Variants in POLG2 observed in about 807,000 individuals in gnomAD.
The protein encoded by POLG2 is DNA polymerase gamma 2, accessory subunit, also known as DNA polymerase subunit gamma-2.
Under a neutral mutation model 56.5 loss-of-function variants are expected in POLG2, and 50 were observed. That is an observed-to-expected ratio of 0.88 (90% CI 0.71 to 1.12). The LOEUF (loss-of-function observed/expected upper bound fraction) is 1.12. Among genes scored for constraint, POLG2 ranks in the 50% most tolerant of loss-of-function variants. The pLI is 0.00. For missense variants in POLG2, 584 were observed against 583.3 expected (o/e 1.00, Z -0.01); for synonymous variants, 226 against 222.6 (o/e 1.02, Z -0.14).
chr17:64,489,028 CTTTTTT>C (rs562036918), intron 4 of POLG2, among the ~76,000 whole-genome samples: 1 of 136,474 alleles, frequency 7.3e-6, no homozygotes, highest in Admixed American at 7.3e-5. Context: ...TTTTCTTTTT[CTTTTTT>C]TTTTTTTTTG....
intron 4 of POLG2, 93 bp downstream of exon 4, chr17:64,490,686 TACACAATGAAGTGTTAA>T: frequency 1.2e-6 from 1 of 812,488 alleles, no homozygotes; most frequent in East Asian, 2.6e-5. Context: ...ATCTGAAAAA[TACACAATGAAGTGTTAA>T]GACACCACGT....
At chr17:64,493,577 C>T (rs921766446) in intron 1 of POLG2, among the ~76,000 whole-genome samples, 4 of 152,082 alleles carry the variant, frequency 2.6e-5, no homozygotes, top group African/African-American at 4.8e-5. Flanking sequence ...CTCCGCCTCC[C>T]GGGTTCATGC....
chr17:64,493,578 G>A (rs1446427846), intron 1 of POLG2, among the ~76,000 whole-genome samples: 5 of 151,820 alleles, frequency 3.3e-5, no homozygotes, highest in African/African-American at 7.3e-5. Context: ...TCCGCCTCCC[G>A]GGTTCATGCC....
chr17:64,490,780 T>C lies in POLG2; in HGVS notation c.969+16A>G. The C allele has an allele frequency of 1.3e-6, 2 of 1,598,742 alleles. No homozygotes were observed. The highest frequency in any genetic ancestry group is 1.7e-6 in the Non-Finnish European group (2 of 1,166,004). On this transcript the variant is annotated intron_variant, in intron 4 of 7. Coordinates refer to ENST00000539111, the MANE Select transcript of POLG2 (RefSeq NM_007215.4). ...ATCTGGGTAAAAAATACATAGGAGCTCCAGGTAAAACATACATGTAATTTA... is the reference window on the plus strand; with the variant it reads ...ATCTGGGTAAAAAATACATAGGAGCCCCAGGTAAAACATACATGTAATTTA...
chr17:64,487,944 T>C (rs2037987547), intron 4 of POLG2, among the ~76,000 whole-genome samples: 1 of 152,240 alleles, frequency 6.6e-6, no homozygotes, highest in African/African-American at 2.4e-5. Context: ...ATATCTGATT[T>C]CTCACACTAT....
chr17:64,480,538 A>G, intron 6 of POLG2, 149 bp from the exon 7 acceptor site: 1 of 509,236 alleles, frequency 2.0e-6, no homozygotes, highest in South Asian at 2.2e-5. Context: ...TATAACTTCC[A>G]TATCATATAC....
rs1489065406 is a variant in POLG2 at position 64,486,497 on chromosome 17, G to A, written c.970-629C>T. Among the ~76,000 whole-genome samples, 9 of 152,096 alleles carry A rather than the reference G, an allele frequency of 5.9e-5. No individual in the cohort carries two copies. In the South Asian group the frequency reaches 8.3e-4, roughly 14 times the overall value. On this transcript the variant is annotated intron_variant, in intron 4 of 7. Coordinates refer to ENST00000539111, the MANE Select transcript of POLG2 (RefSeq NM_007215.4). ...TTGCCTCAGTCTCCTGAGTAGCTAGGACTACAGGCACACACCACCATGTCT... is the reference window on the plus strand; with the variant it reads ...TTGCCTCAGTCTCCTGAGTAGCTAGAACTACAGGCACACACCACCATGTCT...
intron 1 of POLG2, 78 bp downstream of exon 1, chr17:64,496,329 G>T: frequency 1.1e-6 from 1 of 906,702 alleles, no homozygotes; most frequent in Non-Finnish European, 1.7e-6. Context: ...AGGGCCAGTT[G>T]CAATCCCCAA....
intron 5 of POLG2, among the ~76,000 whole-genome samples, chr17:64,483,257 T>C (rs782375443): frequency 6.6e-6 from 1 of 152,198 alleles, no homozygotes; most frequent in Non-Finnish European, 1.5e-5. Context: ...TACATGCCTA[T>C]AATTCCAGCA....
In POLG2 at chr17:64,490,981, A is replaced by C. The variant is rs782238957; in HGVS notation, c.796-12T>G. ...GGACTCATGGCAAACTGGAAAAGAA[A>C]ATTTAAGTTTGTCTTAACATATTTA... On this transcript the variant is annotated splice_polypyrimidine_tract_variant and intron_variant, in intron 3 of 7. Transcript: ENST00000539111. 1 of 1,606,000 alleles carries C rather than the reference A, an allele frequency of 6.2e-7. No individual in the cohort carries two copies. The highest frequency in any genetic ancestry group is 8.5e-7 in the Non-Finnish European group (1 of 1,172,596).
At chr17:64,483,696 GA>G (rs2037903305) in intron 5 of POLG2, among the ~76,000 whole-genome samples, 1 of 149,574 alleles carries the variant, frequency 6.7e-6, no homozygotes, top group Admixed American at 6.7e-5. Context: ...TTTTTTGAAT[GA>G]AAAAAATTTT....
Position 64,480,327 on chromosome 17 carries a change from C to A in POLG2, c.1254G>T (p.Leu418Phe). 6.3e-7 allele frequency: 1 copy of A among 1,598,820 alleles called. No individual in the cohort carries two copies. The highest frequency in any genetic ancestry group is 1.1e-5 in the South Asian group (1 of 90,704). Reference sequence around the variant, plus strand: ...GTTCCAATGAGGACTGCATAGTTTCCAAATAACCAGGCCACACAGAAATCC... The same window carrying A: ...GTTCCAATGAGGACTGCATAGTTTCAAAATAACCAGGCCACACAGAAATCC... ...ENGISVWPGY[L>F]ETMQSSLEQL... Residue 418 changes from leucine to phenylalanine, a missense_variant, in exon 7 of 8, where the codon TTG becomes TTT. Coordinates refer to ENST00000539111, the MANE Select transcript of POLG2 (RefSeq NM_007215.4).
intron 4 of POLG2, among the ~76,000 whole-genome samples, chr17:64,489,014 T>C (rs936817694): frequency 5.3e-5 from 8 of 151,516 alleles, no homozygotes; most frequent in African/African-American, 1.9e-4. Context: ...TTTTGCTATA[T>C]ATTTTTTCTT....
At position 64,496,838 on chromosome 17, in the gene POLG2, A is replaced by G; in HGVS notation, c.131T>C (p.Val44Ala). ...TERSSPKGGH[V>A]KSHAELEGNG... is the part of the protein sequence containing the mutation. The stretch of plus-strand genomic sequence containing the variant: ...CCCCTCGAGCTCCGCGTGCGACTTC[A>G]CATGCCCTCCTTTGGGGCTACTCCT... Residue 44 changes from valine to alanine, a missense_variant, in exon 1 of 8, where the codon GTG (valine) becomes GCG (alanine). Coordinates refer to ENST00000539111, the MANE Select transcript of POLG2 (RefSeq NM_007215.4). 2 of 1,613,742 alleles carry G rather than the reference A, an allele frequency of 1.2e-6. No individual in the cohort carries two copies. Among genetic ancestry groups the G allele is most frequent in the Non-Finnish European group, 8.5e-7 (1 of 1,179,998 alleles).
chr17:64,479,729 G>A (rs1263108412), intron 7 of POLG2, among the ~76,000 whole-genome samples: 3 of 152,172 alleles, frequency 2.0e-5, no homozygotes, highest in Admixed American at 6.5e-5. Flanking sequence ...TAGTGGCAGC[G>A]AAGACAGAGA....
In POLG2 at chr17:64,490,779, C is replaced by A. The variant is rs1260411766; in HGVS notation, c.969+17G>T. On this transcript the variant is annotated intron_variant, in intron 4 of 7. Coordinates refer to ENST00000539111, the MANE Select transcript of POLG2 (RefSeq NM_007215.4). ...AATCTGGGTAAAAAATACATAGGAG[C>A]TCCAGGTAAAACATACATGTAATTT... 1 of 1,597,274 alleles carries A rather than the reference C, an allele frequency of 6.3e-7. No individual in the cohort carries two copies. Among genetic ancestry groups the A allele is most frequent in the East Asian group, 2.2e-5 (1 of 44,762 alleles).
In POLG2 at chr17:64,496,937, T is replaced by G. The variant is rs2038163431; in HGVS notation, c.32A>C (p.His11Pro). MRSRVAVRACHKVCRCLLSGF... is the reference protein window; with the variant it reads MRSRVAVRACPKVCRCLLSGF... ...AGACAACAGGCACCTGCAGACCTTATGGCAGGCCCTGACGGCTACACGAGA... is the reference window on the plus strand; with the variant it reads ...AGACAACAGGCACCTGCAGACCTTAGGGCAGGCCCTGACGGCTACACGAGA... Residue 11 changes from histidine to proline, a missense_variant, in exon 1 of 8, where the codon CAT becomes CCT. Physicochemically the swap from His to Pro is moderately conservative, Grantham distance 77 (BLOSUM62 -2). Transcript: ENST00000539111. The G allele has an allele frequency of 6.2e-7, 1 of 1,609,850 alleles. No individual in the cohort carries two copies. The highest frequency in any genetic ancestry group is 8.5e-7 in the Non-Finnish European group (1 of 1,179,992).
intron 3 of POLG2, 22 bp downstream of exon 3, chr17:64,492,645 T>C (rs2038080775): frequency 7.3e-7 from 1 of 1,371,960 alleles, no homozygotes; most frequent in Admixed American, 1.7e-5. Flanking sequence ...AACTATTAAA[T>C]TAAAGGTAAT....
intron 2 of POLG2, 39 bp downstream of exon 2, chr17:64,492,856 A>G (rs2038085259): frequency 6.8e-6 from 11 of 1,611,894 alleles, no homozygotes; most frequent in Non-Finnish European, 9.3e-6. Flanking sequence ...GTTTTTGACT[A>G]TTTAAATACA....
Sources: gnomAD v4.1 joint callset for allele counts (sites outside exome capture counted in the v4.1 genomes callset) on GRCh38, gnomAD v4.1.1 for gene constraint, MANE v1.5 for transcripts, NCBI Gene and HGNC (gene_info 2026-07-23, HGNC 2026-07-21) for gene names.